SELENOP: variants seen among roughly 807,000 people sequenced by gnomAD.
SELENOP encodes the protein selenoprotein P, plasma, 1.
In SELENOP, 36 loss-of-function variants were observed where a neutral mutation model predicts 41.0. The observed-to-expected ratio is 0.88, with a 90% CI of 0.67 to 1.16. The LOEUF is 1.16. Among genes scored for constraint, SELENOP ranks in the 50% most tolerant of loss-of-function variants. The pLI is 0.00. For missense variants in SELENOP, 440 were observed against 454.2 expected (o/e 0.97, Z 0.28); for synonymous variants, 144 against 150.8 (o/e 0.95, Z 0.33).
intron 3 of SELENOP, chr5:42,805,218 GC>G (rs1488337065): frequency 1.3e-5 from 2 of 152,430 alleles, no homozygotes; most frequent in East Asian, 3.8e-4. Context: ...TTGGCCAGTA[GC>G]CCATTTATTT....
chr5:42,801,498 G>C lies in SELENOP; in HGVS notation c.535-167C>G, dbSNP rs1760201985. ...AGTCTGATGTTAGTCTCAACACCTA[G>C]ACATTTTATTAAAGGCTTAAAAAGA... is the stretch of plus-strand genomic sequence containing the variant. On this transcript the variant is annotated intron_variant, in intron 4 of 4. Transcript: ENST00000514985. 7.3e-6 allele frequency: 4 copies of C among 548,404 alleles called. No homozygotes were observed. The East Asian group carries it at 1.2e-4, about 16-fold the overall frequency. 34.0% of individuals were successfully genotyped at this position (548,404 alleles called of 1,614,324 possible).
intron 1 of SELENOP, among the ~76,000 whole-genome samples, chr5:42,811,052 T>C (rs1760448161): frequency 6.6e-6 from 1 of 152,232 alleles, no homozygotes; most frequent in African/African-American, 2.4e-5. Flanking sequence ...CCAATAAGAA[T>C]TGAAAAGTAG....
rs28919897 is a variant in SELENOP, at chr5:42,806,876, G to A, written c.416+20C>T. On this transcript the variant is annotated intron_variant, in intron 3 of 4. Transcript: ENST00000514985. The stretch of plus-strand genomic sequence containing the variant: ...ACAGTTATTTTTAAATTTGGGATGT[G>A]TTTGTGTGTATGTACAAACCTATCA... 1.7e-3 allele frequency: 2,465 copies of A among 1,423,270 alleles called. 37 individuals carry two copies. The African/African-American group carries it at 0.032, about 18-fold the overall frequency. 88.2% of individuals were successfully genotyped at this position (1,423,270 alleles called of 1,614,324 possible).
intron 4 of SELENOP, among the ~76,000 whole-genome samples, chr5:42,804,366 CAGG>C (rs1242630200): frequency 6.6e-6 from 1 of 152,122 alleles, no homozygotes; most frequent in African/African-American, 2.4e-5. Context: ...GAGACTGAGG[CAGG>C]AGAATGGCGT....
chr5:42,806,778 CTG>C, intron 3 of SELENOP, 116 bp downstream of exon 3: 1 of 536,400 alleles, frequency 1.9e-6, no homozygotes, highest in Non-Finnish European at 3.3e-6. Context: ...GAGATGAAGA[CTG>C]AAATATGGCA....
intron 1 of SELENOP, among the ~76,000 whole-genome samples, chr5:42,811,591 T>G (rs1329919044): frequency 6.6e-6 from 1 of 152,266 alleles, no homozygotes; most frequent in Non-Finnish European, 1.5e-5. Context: ...TCCAGCTTCC[T>G]CTGCTCTCAG....
Position 42,804,781 on chromosome 5 carries a change from A to C in SELENOP, c.417-8T>G, listed in dbSNP as rs1002595635. The C allele has an allele frequency of 6.8e-7, 1 of 1,475,906 alleles. No homozygotes were observed. Among genetic ancestry groups the C allele is most frequent in the Non-Finnish European group, 9.4e-7 (1 of 1,058,408 alleles). 91.4% of individuals were successfully genotyped at this position (1,475,906 alleles called of 1,614,324 possible). On this transcript the variant is annotated splice_polypyrimidine_tract_variant and splice_region_variant and intron_variant, in intron 3 of 4. Coordinates refer to ENST00000514985, the MANE Select transcript of SELENOP (RefSeq NM_005410.4). The stretch of plus-strand genomic sequence containing the variant: ...TATACAAGACGGCCACATCTAAGAA[A>C]AAGGACAAATACAATGTCACTATAA...
chr5:42,810,037 A>C (rs6865453), intron 1 of SELENOP, among the ~76,000 whole-genome samples: 33,370 of 152,074 alleles, frequency 0.22, 4,548 homozygotes, highest in Admixed American at 0.35. Flanking sequence ...AAGCACTTTT[A>C]TATATCATGT....
In SELENOP at chr5:42,800,926, A is replaced by G. The variant is rs28919925; in HGVS notation, c.940T>C (p.Ser314Pro). 93 of 1,614,194 alleles carry G rather than the reference A, an allele frequency of 5.8e-5. 1 individual carries two copies. In the African/African-American group the frequency reaches 1.2e-3, roughly 20 times the overall value. ...CRHLIFEKTG[S>P]AITUQCKENL... ...TCTTTACACTGTCAGGTGATTGCAG[A>G]CCCTGTTTTTTCAAATATCAGATGT... Residue 314 changes from serine (S) to proline (P), a missense_variant, in exon 5 of 5, where the codon TCT (serine) becomes CCT (proline). Ser to Pro is a moderately conservative substitution (Grantham distance 74, BLOSUM62 -1). Coordinates refer to ENST00000514985, the MANE Select transcript of SELENOP (RefSeq NM_005410.4).
intron 2 of SELENOP, chr5:42,807,387 G>A (rs1760356686): frequency 5.1e-6 from 1 of 197,842 alleles, no homozygotes; most frequent in Admixed American, 5.3e-5. Flanking sequence ...GTATCTTATA[G>A]GTAGAATGGA....
chr5:42,809,414 C>T (rs796492527), intron 1 of SELENOP, among the ~76,000 whole-genome samples: 5 of 152,176 alleles, frequency 3.3e-5, no homozygotes, highest in African/African-American at 1.2e-4. Flanking sequence ...GAACTGTAGA[C>T]AGGTGATAAA....
At chr5:42,803,326 A>G (rs28919913) in intron 4 of SELENOP, among the ~76,000 whole-genome samples, 39,140 of 152,090 alleles carry the variant, frequency 0.26, 5,553 homozygotes, top group African/African-American at 0.35. Context: ...CATTATAATT[A>G]GTATTTATTA....
chr5:42,807,177 TCTTC>T (rs1320478421), intron 2 of SELENOP, 69 bp from the exon 3 acceptor site: 2 of 774,272 alleles, frequency 2.6e-6, no homozygotes, highest in African/African-American at 1.7e-5. Context: ...TTTTTCTCCC[TCTTC>T]CTTAATTTTC....
At chr5:42,809,853 T>A (rs1760422727) in intron 1 of SELENOP, 1 of 350,356 alleles carries the variant, frequency 2.9e-6, no homozygotes, top group African/African-American at 2.2e-5. Flanking sequence ...TTAAGGCCAC[T>A]CCAACTACTT....
At chr5:42,802,635 G>A (rs1273923104) in intron 4 of SELENOP, among the ~76,000 whole-genome samples, 2 of 152,006 alleles carry the variant, frequency 1.3e-5, no homozygotes, top group Non-Finnish European at 2.9e-5. Flanking sequence ...ATTTAGTGAC[G>A]GAGTCTCACT....
At chr5:42,811,621 G>A (rs1760459165) in intron 1 of SELENOP, among the ~76,000 whole-genome samples, 1 of 152,198 alleles carries the variant, frequency 6.6e-6, no homozygotes, top group Non-Finnish European at 1.5e-5. Flanking sequence ...AGACAGGGCA[G>A]AAATCAAGAA....
chr5:42,801,012 AAT>A lies in SELENOP; in HGVS notation c.852_853del (p.Gln284HisfsTer?). On this transcript the variant is annotated frameshift_variant, in exon 5 of 5. Coordinates refer to ENST00000514985, the MANE Select transcript of SELENOP (RefSeq NM_005410.4). LOFTEE classifies it high-confidence loss of function. The stretch of plus-strand genomic sequence containing the variant: ...TGAATCTGTGGGCAATTTACAGAGT[AAT>A]TGATTTATACATCTCTTTCGACAGA... 6.2e-7 allele frequency: 1 copy of A among 1,614,156 alleles called. No individual in the cohort carries two copies. Among genetic ancestry groups the A allele is most frequent in the South Asian group, 1.1e-5 (1 of 91,082 alleles).
intron 2 of SELENOP, 97 bp from the exon 3 acceptor site, chr5:42,807,205 CCTT>C (rs1271908073): frequency 1.0e-4 from 64 of 625,710 alleles, no homozygotes; most frequent in Middle Eastern, 4.5e-4. Flanking sequence ...GTGAAACTCT[CCTT>C]CTTATTTTTA....
rs1561281852 is a variant in SELENOP, at chr5:42,800,160, T to C, written c.*560A>G. The C allele has an allele frequency of 6.0e-6, 1 of 166,862 alleles. No homozygotes were observed. Among genetic ancestry groups the C allele is most frequent in the Admixed American group, 6.2e-5 (1 of 16,110 alleles). The allele number at this position is 166,862 out of a possible 1,614,324, so 10.3% of individuals were successfully genotyped here. A position where few individuals can be genotyped will look rare whatever the true frequency, so the allele number is the denominator to read the frequency against. ...ATACAAAGGCTTTATTCATGTGTGA[T>C]AGTAAAAATCAGGATGAGTCTTAGA... On this transcript the variant is annotated 3_prime_UTR_variant, in exon 5 of 5. Transcript: ENST00000514985.
Sources: allele counts gnomAD v4.1 joint callset (sites outside exome capture counted in the v4.1 genomes callset), GRCh38; gene constraint gnomAD v4.1.1; transcripts MANE v1.5; gene names NCBI Gene and HGNC (gene_info 2026-07-23, HGNC 2026-07-21).